The following PPP2R2B variants were observed in gnomAD, a reference collection of about 807,000 sequenced individuals.
The protein encoded by PPP2R2B is serine/threonine-protein phosphatase 2A 55 kDa regulatory subunit B beta isoform.
In PPP2R2B, 5 loss-of-function variants were observed where a neutral mutation model predicts 46.0. The ratio of observed to expected loss-of-function variants is 0.11; its 90% confidence interval spans 0.06 to 0.23. The LOEUF (loss-of-function observed/expected upper bound fraction) is 0.23, where lower values mean the gene tolerates loss of function less well. Ranked by LOEUF, PPP2R2B falls within the 10% of genes least tolerant of loss-of-function variation. PPP2R2B has a pLI of 1.00. For synonymous variants in PPP2R2B, 215 were observed against 206.7 expected, an observed-to-expected ratio of 1.04 and a Z score of -0.34; for missense variants, 367 against 575.0, an observed-to-expected ratio of 0.64 and a Z score of 3.70.
In PPP2R2B at chr5:146,650,733, C is replaced by T. The variant is rs367708610; in HGVS notation, c.448-9G>A. 9.3e-6 allele frequency: 15 copies of T among 1,609,742 alleles called. No homozygotes were observed. In the African/African-American group the frequency reaches 1.3e-4, roughly 14 times the overall value. On this transcript the variant is annotated splice_polypyrimidine_tract_variant and intron_variant, in intron 5 of 9. Coordinates refer to ENST00000394411, the MANE Select transcript of PPP2R2B (RefSeq NM_181675.4). ...GGTCTCAGGACAGGCACCTGGGATG[C>T]AAGAGAAACAAATCACTTCAGAACC...
At chr5:146,761,941 A>T (rs1293933351) in intron 2 of PPP2R2B, among the ~76,000 whole-genome samples, 3 of 152,162 alleles carry the variant, frequency 2.0e-5, no homozygotes, top group African/African-American at 4.8e-5. Context: ...TGCAGAGTGT[A>T]TGTGGGAATG....
chr5:146,745,526 T>C (rs1753135285), intron 2 of PPP2R2B, among the ~76,000 whole-genome samples: 1 of 152,210 alleles, frequency 6.6e-6, no homozygotes, highest in Non-Finnish European at 1.5e-5. Context: ...AAGAACTTAC[T>C]ATGAGCAGCC....
intron 2 of PPP2R2B, among the ~76,000 whole-genome samples, chr5:146,719,790 TTGAA>T (rs1177665732): frequency 6.6e-6 from 1 of 152,172 alleles, no homozygotes; most frequent in Non-Finnish European, 1.5e-5. Flanking sequence ...TTCCAACATT[TTGAA>T]TGAGTTTCTA....
In PPP2R2B at chr5:146,680,430, G is replaced by T. The variant is rs1179133778; in HGVS notation, c.447+10698C>A. On this transcript the variant is annotated intron_variant, in intron 5 of 9. Coordinates refer to ENST00000394411, the MANE Select transcript of PPP2R2B (RefSeq NM_181675.4). ...TGGGGAGGGAGGGATAGCATTGGGA[G>T]ATATACCTAATGCTAGATGACGAGT... Among the ~76,000 whole-genome samples the T allele has an allele frequency of 2.0e-5, 3 of 151,158 alleles. No homozygotes were observed. In the East Asian group the frequency reaches 5.9e-4, roughly 30 times the overall value.
rs1757061775 is a variant in PPP2R2B, at chr5:147,055,786, C to T, written c.-43G>A. 3.2e-6 allele frequency: 5 copies of T among 1,561,344 alleles called. No individual in the cohort carries two copies. The East Asian group carries it at 1.2e-4, about 38-fold the overall frequency. On this transcript the variant is annotated 5_prime_UTR_variant, in exon 1 of 9. Transcript: ENST00000336640. ...AAAATCTAAATAAAAAAACAGTCTC[C>T]TGAATCCATAAGGATTCTCTCGGCC...
intron 2 of PPP2R2B, among the ~76,000 whole-genome samples, chr5:146,781,001 C>T (rs1249352923): frequency 1.3e-5 from 2 of 151,264 alleles, no homozygotes; most frequent in Non-Finnish European, 2.9e-5. Flanking sequence ...AATTCTCATC[C>T]ACATTTCAGA....
At chr5:146,838,301 C>T (rs549065548) in intron 2 of PPP2R2B, among the ~76,000 whole-genome samples, 3 of 151,462 alleles carry the variant, frequency 2.0e-5, no homozygotes, top group South Asian at 4.2e-4. Flanking sequence ...GAAGGGAGGC[C>T]GGGCTCACAC....
At chr5:147,019,506 G>A (rs1395222459) in intron 1 of PPP2R2B, among the ~76,000 whole-genome samples, 1 of 152,100 alleles carries the variant, frequency 6.6e-6, no homozygotes, top group African/African-American at 2.4e-5. Context: ...ATTTCACAAT[G>A]ACCTGAATGA....
chr5:146,616,839 T>C (rs1445660065), intron 7 of PPP2R2B: 1 of 152,222 alleles, frequency 6.6e-6, no homozygotes, highest in Admixed American at 6.5e-5. Context: ...AAAATTGAGC[T>C]ACTATATGAT....
At chr5:147,064,749 T>C (rs79773641) in intron 2 of PPP2R2B, among the ~76,000 whole-genome samples, 9,756 of 152,286 alleles carry the variant, frequency 0.064, 384 homozygotes, top group East Asian at 0.16. Context: ...CATTTGGTCT[T>C]ACCTAGCTCT....
At chr5:146,990,105 T>A (rs1753626625) in intron 1 of PPP2R2B, among the ~76,000 whole-genome samples, 2 of 96,826 alleles carry the variant, frequency 2.1e-5, no homozygotes, top group Non-Finnish European at 2.8e-5. Context: ...TGAAAAGACA[T>A]CCTGTGTTCA....
In PPP2R2B at chr5:146,797,593, C is replaced by A. The variant is rs371782695; in HGVS notation, c.70+80409G>T. Among the ~76,000 whole-genome samples, 67 of 152,324 alleles carry A rather than the reference C, an allele frequency of 4.4e-4. No individual in the cohort carries two copies. In the East Asian group the frequency reaches 5.0e-3, roughly 11 times the overall value. ...ATATAACAAGGTATATTTGTAACCTCGTGCTTAAAGAGACCTATCTACTGG... is the reference window on the plus strand; with the variant it reads ...ATATAACAAGGTATATTTGTAACCTAGTGCTTAAAGAGACCTATCTACTGG... On this transcript the variant is annotated intron_variant, in intron 2 of 9. Transcript: ENST00000394411.
chr5:146,960,784 A>C (rs1752136740), intron 1 of PPP2R2B, among the ~76,000 whole-genome samples: 2 of 152,214 alleles, frequency 1.3e-5, no homozygotes, highest in African/African-American at 4.8e-5. Context: ...GTAACTTTTA[A>C]AATCAAATAA....
chr5:146,835,669 C>T (rs1435522866), intron 2 of PPP2R2B, among the ~76,000 whole-genome samples: 2 of 152,108 alleles, frequency 1.3e-5, no homozygotes, highest in African/African-American at 4.8e-5. Context: ...AGTGCCTGGG[C>T]CAGACAGACC....
At chr5:146,876,582 A>G (rs1761911378) in intron 2 of PPP2R2B, among the ~76,000 whole-genome samples, 1 of 152,136 alleles carries the variant, frequency 6.6e-6, no homozygotes, top group Non-Finnish European at 1.5e-5. Context: ...ACATCTTACA[A>G]TCAGGTTGCC....
At chr5:146,590,252 G>A (rs376434005) in intron 9 of PPP2R2B, 26 bp from the exon 10 acceptor site, 5 of 1,606,682 alleles carry the variant, frequency 3.1e-6, no homozygotes, top group Non-Finnish European at 4.3e-6. Flanking sequence ...CAAAGGCAAT[G>A]ACATATCTTC....
chr5:146,967,283 A>G (rs1752464091), intron 1 of PPP2R2B, among the ~76,000 whole-genome samples: 1 of 152,318 alleles, frequency 6.6e-6, no homozygotes. Context: ...TTTTTCTTGT[A>G]GCCAGGTCTT....
At chr5:146,765,173 A>T (rs938441402) in intron 2 of PPP2R2B, among the ~76,000 whole-genome samples, 27 of 152,218 alleles carry the variant, frequency 1.8e-4, no homozygotes, top group Non-Finnish European at 1.0e-4. Flanking sequence ...GTTGCTTGGA[A>T]ACACAGATGT....
chr5:146,918,225 A>G (rs574635792), intron 1 of PPP2R2B: 2 of 152,336 alleles, frequency 1.3e-5, no homozygotes, highest in Non-Finnish European at 2.9e-5. Flanking sequence ...AACAGGAGGA[A>G]GAATATATAT....
Sources: gnomAD v4.1 joint callset for allele counts (sites outside exome capture counted in the v4.1 genomes callset) on GRCh38, gnomAD v4.1.1 for gene constraint, MANE v1.5 for transcripts, NCBI Gene and HGNC (gene_info 2026-07-23, HGNC 2026-07-21) for gene names.